Variants in ADARB2 observed in about 807,000 individuals in gnomAD.
ADARB2 encodes inactive double-stranded RNA-specific editase B2.
In ADARB2, 25 loss-of-function variants were observed where a neutral mutation model predicts 62.2. The observed-to-expected ratio is 0.40, with a 90% CI of 0.29 to 0.56. The LOEUF (loss-of-function observed/expected upper bound fraction) is 0.56. ADARB2 is among the 20% of genes least tolerant of loss of function. The pLI, the probability that ADARB2 is intolerant of heterozygous loss-of-function variation, is 0.43. For missense variants in ADARB2, 1,071 were observed against 1,077.4 expected, an observed-to-expected ratio of 0.99 and a Z score of 0.08; for synonymous variants, 572 against 500.8, an observed-to-expected ratio of 1.14 and a Z score of -1.90.
At chr10:1,633,549 C>CATAT (rs113694941) in intron 1 of ADARB2, among the ~76,000 whole-genome samples, 1,489 of 101,704 alleles carry the variant, frequency 0.015, 22 homozygotes, top group South Asian at 0.076. Context: ...GTCTATCTAT[C>CATAT]ATCTATCTAT....
chr10:1,681,086 C>T (rs555944820), intron 1 of ADARB2, among the ~76,000 whole-genome samples: 1 of 152,152 alleles, frequency 6.6e-6, no homozygotes, highest in South Asian at 2.1e-4. Context: ...TGAAGGCAGC[C>T]CCTGGACAGG....
rs541901923 is a variant in ADARB2, at chr10:1,180,965, T to C, written c.*2228A>G. On this transcript the variant is annotated 3_prime_UTR_variant, in exon 10 of 10. Transcript: ENST00000381312. The stretch of plus-strand genomic sequence containing the variant: ...ACAAAACGAATCCCAACCCCCCAGC[T>C]GTGGCTTCATGATGCTGGCCACTGG... 1 of 152,370 alleles carries C rather than the reference T, an allele frequency of 6.6e-6. No individual in the cohort carries two copies. Among genetic ancestry groups the C allele is most frequent in the East Asian group, 1.9e-4 (1 of 5,184 alleles). The allele number at this position is 152,370 out of a possible 1,614,324, so 9.4% of individuals were successfully genotyped here.
chr10:1,703,468 G>A lies in ADARB2; in HGVS notation c.100+33583C>T, dbSNP rs866737376. 9.9e-5 allele frequency among the ~76,000 whole-genome samples: 15 copies of A among 152,278 alleles called. 1 individual carries two copies. In the Middle Eastern group the frequency reaches 0.017, roughly 173 times the overall value. On this transcript the variant is annotated intron_variant, in intron 1 of 9. Coordinates refer to ENST00000381312, the MANE Select transcript of ADARB2 (RefSeq NM_018702.4). The stretch of plus-strand genomic sequence containing the variant: ...AGACTTTTTTAAGACAAGAGAAATA[G>A]TAGTGTGTGTTTGAGTAGGCAGGGA...
chr10:1,551,359 T>C (rs1832619202), intron 1 of ADARB2, among the ~76,000 whole-genome samples: 1 of 152,160 alleles, frequency 6.6e-6, no homozygotes, highest in African/African-American at 2.4e-5. Flanking sequence ...GCTAAATTAT[T>C]CTCCACTTGC....
At chr10:1,242,621 A>T (rs900757729) in intron 4 of ADARB2, among the ~76,000 whole-genome samples, 2 of 152,162 alleles carry the variant, frequency 1.3e-5, no homozygotes, top group African/African-American at 2.4e-5. Flanking sequence ...AGTTTTCTCC[A>T]CCTGAGTCCC....
At chr10:1,578,235 C>A (rs1443174011) in intron 1 of ADARB2, among the ~76,000 whole-genome samples, 1 of 152,050 alleles carries the variant, frequency 6.6e-6, no homozygotes, top group Non-Finnish European at 1.5e-5. Context: ...GGCAGGAGGG[C>A]CAGGCAGCAA....
At chr10:1,635,745 T>G (rs145914298) in intron 1 of ADARB2, among the ~76,000 whole-genome samples, 5 of 152,304 alleles carry the variant, frequency 3.3e-5, no homozygotes, top group Admixed American at 3.3e-4. Flanking sequence ...CTCAGACACA[T>G]GTTGAGCGAT....
rs186858304 is a variant in ADARB2 at position 1,320,020 on chromosome 10, T to C, written c.1077+43008A>G. On this transcript the variant is annotated intron_variant, in intron 3 of 9. Coordinates refer to ENST00000381312, the MANE Select transcript of ADARB2 (RefSeq NM_018702.4). ...AACACTATCCTCACCCTCTACAGCA[T>C]TGGGGCTATGCTCATGTAGACCAGG... Among the ~76,000 whole-genome samples the C allele has an allele frequency of 3.5e-4, 54 of 152,308 alleles. No homozygotes were observed. The South Asian group carries it at 5.8e-3, about 16-fold the overall frequency.
At chr10:1,225,669 G>A (rs1418085924) in intron 6 of ADARB2, among the ~76,000 whole-genome samples, 15 of 149,216 alleles carry the variant, frequency 1.0e-4, no homozygotes. Flanking sequence ...CTTCACTTAT[G>A]AAGCTTAGTT....
At chr10:1,638,252 G>C (rs534692914) in intron 1 of ADARB2, among the ~76,000 whole-genome samples, 1 of 152,282 alleles carries the variant, frequency 6.6e-6, no homozygotes, top group Admixed American at 6.5e-5. Context: ...TCATTAACTC[G>C]TGAATTAACA....
intron 3 of ADARB2, among the ~76,000 whole-genome samples, chr10:1,326,392 T>C (rs1206748553): frequency 6.6e-6 from 1 of 152,130 alleles, no homozygotes; most frequent in Non-Finnish European, 1.5e-5. Context: ...TCTGAACCAT[T>C]CTGTGACGTG....
intron 1 of ADARB2, among the ~76,000 whole-genome samples, chr10:1,516,026 G>C (rs987849893): frequency 6.6e-6 from 1 of 152,204 alleles, no homozygotes; most frequent in Admixed American, 6.5e-5. Flanking sequence ...GCCAGTGCCA[G>C]ATGTGGACAA....
In ADARB2 at chr10:1,471,560, T is replaced by G. The variant is rs536100804; in HGVS notation, c.101-92400A>C. 2.1e-4 allele frequency among the ~76,000 whole-genome samples: 32 copies of G among 152,222 alleles called. No individual in the cohort carries two copies. In the South Asian group the frequency reaches 6.4e-3, roughly 31 times the overall value. The stretch of plus-strand genomic sequence containing the variant: ...CATACGCCACCATGCCTGGCTAATT[T>G]TTTTGTATTTTTAGTAAAGACAGTG... On this transcript the variant is annotated intron_variant, in intron 1 of 9. Coordinates refer to ENST00000381312, the MANE Select transcript of ADARB2 (RefSeq NM_018702.4).
intron 6 of ADARB2, among the ~76,000 whole-genome samples, chr10:1,228,111 C>T (rs1830764782): frequency 6.6e-6 from 1 of 152,198 alleles, no homozygotes; most frequent in Admixed American, 6.5e-5. Context: ...CGTTAAATCT[C>T]TTCAACTACC....
At chr10:1,674,555 A>G (rs931083982) in intron 1 of ADARB2, among the ~76,000 whole-genome samples, 1 of 152,176 alleles carries the variant, frequency 6.6e-6, no homozygotes, top group Non-Finnish European at 1.5e-5. Flanking sequence ...AACTGTGCAG[A>G]TATCGTTGGC....
chr10:1,260,658 C>G (rs1831127558), intron 4 of ADARB2, among the ~76,000 whole-genome samples: 2 of 151,310 alleles, frequency 1.3e-5, no homozygotes, highest in Non-Finnish European at 2.9e-5. Flanking sequence ...AAAGAGGATA[C>G]AAACAAATGG....
chr10:1,726,806 T>C (rs572751625), intron 1 of ADARB2, among the ~76,000 whole-genome samples: 1 of 148,176 alleles, frequency 6.7e-6, no homozygotes, highest in South Asian at 2.2e-4. Flanking sequence ...GAGGGAGGAG[T>C]GTGGGGAGGA....
At chr10:1,244,200 C>G (rs1260210036) in intron 4 of ADARB2, among the ~76,000 whole-genome samples, 1 of 152,252 alleles carries the variant, frequency 6.6e-6, no homozygotes, top group Non-Finnish European at 1.5e-5. Flanking sequence ...CCATCTCACT[C>G]AGGCCGTCAG....
At chr10:1,720,454 C>T (rs986353292) in intron 1 of ADARB2, among the ~76,000 whole-genome samples, 1 of 152,174 alleles carries the variant, frequency 6.6e-6, no homozygotes, top group Non-Finnish European at 1.5e-5. Context: ...TATACCAAAC[C>T]TCAGCGACAC....
Sources: gnomAD v4.1 joint callset for allele counts (sites outside exome capture counted in the v4.1 genomes callset) on GRCh38, gnomAD v4.1.1 for gene constraint, MANE v1.5 for transcripts, NCBI Gene and HGNC (gene_info 2026-07-23, HGNC 2026-07-21) for gene names.